The following DHX32 variants were observed in gnomAD, a reference collection of about 807,000 sequenced individuals.
The protein encoded by DHX32 is DEAH-box helicase 32 (putative).
Under a neutral mutation model 70.0 loss-of-function variants are expected in DHX32, and 51 were observed. The observed-to-expected ratio is 0.73, with a 90% confidence interval of 0.58 to 0.92. The LOEUF is 0.92. DHX32 is among the 40% of genes least tolerant of loss of function. DHX32 has a pLI of 0.00. For missense variants in DHX32, 762 were observed against 891.8 expected, an observed-to-expected ratio of 0.85 and a Z score of 1.85; for synonymous variants, 310 against 315.3, an observed-to-expected ratio of 0.98 and a Z score of 0.18.
At chr10:125,875,333 G>A (rs1944278113) in intron 1 of DHX32, among the ~76,000 whole-genome samples, 1 of 152,092 alleles carries the variant, frequency 6.6e-6, no homozygotes, top group Non-Finnish European at 1.5e-5. Flanking sequence ...AAAAAAAAAT[G>A]GTTTCTACAC....
chr10:125,870,843 A>G (rs1375799802), intron 1 of DHX32, among the ~76,000 whole-genome samples: 1 of 152,190 alleles, frequency 6.6e-6, no homozygotes, highest in Non-Finnish European at 1.5e-5. Flanking sequence ...TCTCAAAAAA[A>G]TAAAAAATAA....
chr10:125,852,389 C>T lies in DHX32; in HGVS notation c.1255G>A (p.Ala419Thr). The T allele has an allele frequency of 3.1e-6, 5 of 1,614,210 alleles. No homozygotes were observed. Among genetic ancestry groups the T allele is most frequent in the Non-Finnish European group, 3.4e-6 (4 of 1,180,034 alleles). ...ASKDMTPLKP[A>T]EMQEANLTSM... ...GTTAGGTTGGCTTCCTGCATTTCTGCTGGCTTCAGTGGCGTCATGTCTTTG... is the reference window on the plus strand; with the variant it reads ...GTTAGGTTGGCTTCCTGCATTTCTGTTGGCTTCAGTGGCGTCATGTCTTTG... Residue 419 changes from alanine (A) to threonine (T), a missense_variant, in exon 6 of 11, where the codon GCA (alanine) becomes ACA (threonine). This residue lies in a region of DHX32 where 366 missense variants were observed against 402.6 expected (regional missense o/e 0.91). Transcript: ENST00000284690.
rs1297758732 is a variant in DHX32, at chr10:125,838,297, T to C, written c.1972A>G (p.Thr658Ala). 5.0e-6 allele frequency: 8 copies of C among 1,614,026 alleles called. No homozygotes were observed. The highest frequency in any genetic ancestry group is 6.8e-6 in the Non-Finnish European group (8 of 1,180,008). The part of the protein sequence containing the change: ...QLHPLSGYSI[T>A]KKMPEWVLFH... ...AGGACCCACTCTGGCATCTTCTTGG[T>C]GATTGAGTAACCAGACAGGGGATGC... is the stretch of plus-strand genomic sequence containing the variant. The change falls in exon 10 of 11, where the codon ACC becomes GCC. Residue 658 changes from threonine (T) to alanine (A), a missense_variant. By Grantham distance (58) the Thr-to-Ala change is moderately conservative. Around this residue, in one of 3 missense-constraint regions of DHX32, gnomAD observed 366 missense variants for 402.6 expected, o/e 0.91. Transcript: ENST00000284690.
chr10:125,882,748 T>C (rs1301196898), upstream of DHX32, among the ~76,000 whole-genome samples: 1 of 152,208 alleles, frequency 6.6e-6, no homozygotes, highest in Non-Finnish European at 1.5e-5. Flanking sequence ...TCACTGCCTC[T>C]ATAAGGTGAG....
intron 6 of DHX32, 129 bp from the exon 7 acceptor site, chr10:125,842,063 GC>G: frequency 8.3e-7 from 1 of 1,198,394 alleles, no homozygotes; most frequent in Non-Finnish European, 1.1e-6. Flanking sequence ...CGGTTTGCAA[GC>G]CACCAAATAC....
chr10:125,853,033 G>C (rs1944111549), intron 4 of DHX32: 1 of 892,816 alleles, frequency 1.1e-6, no homozygotes, highest in African/African-American at 1.7e-5. Context: ...CAGGATCTTG[G>C]TGGTCTCACC....
chr10:125,886,242 T>TA (rs1378341910), upstream of DHX32, among the ~76,000 whole-genome samples: 3 of 152,370 alleles, frequency 2.0e-5, no homozygotes, highest in East Asian at 3.9e-4. Context: ...AAATGGCAGT[T>TA]CAGTAAATGC....
At chr10:125,864,592 T>A (rs997209581) in intron 2 of DHX32, among the ~76,000 whole-genome samples, 4 of 152,134 alleles carry the variant, frequency 2.6e-5, no homozygotes, top group African/African-American at 9.7e-5. Flanking sequence ...ACAGTATTAT[T>A]AGATTTCCCC....
At chr10:125,856,952 C>T (rs1214904062) in intron 3 of DHX32, among the ~76,000 whole-genome samples, 1 of 152,206 alleles carries the variant, frequency 6.6e-6, no homozygotes, top group Non-Finnish European at 1.5e-5. Flanking sequence ...GAGGTCCTGT[C>T]TCTAAGTAAA....
rs112150717 is a variant in DHX32, at chr10:125,839,967, C to G, written c.1694-779G>C. On this transcript the variant is annotated intron_variant, in intron 8 of 10. Coordinates refer to ENST00000284690, the MANE Select transcript of DHX32 (RefSeq NM_018180.3). ...GATTCCTGTGTACCTGCTGGCTCCACTGACAACTTTTTCTTCTCAGCTTTG... is the reference window on the plus strand; with the variant it reads ...GATTCCTGTGTACCTGCTGGCTCCAGTGACAACTTTTTCTTCTCAGCTTTG... Among the ~76,000 whole-genome samples, 1,188 of 152,340 alleles carry G rather than the reference C, an allele frequency of 7.8e-3. 22 individuals are homozygous for G. The highest frequency in any genetic ancestry group is 0.026 in the African/African-American group (1,098 of 41,588).
At chr10:125,880,004 C>A (rs1944307794) in intron 1 of DHX32, among the ~76,000 whole-genome samples, 2 of 152,188 alleles carry the variant, frequency 1.3e-5, no homozygotes, top group South Asian at 4.1e-4. Flanking sequence ...TTCTTTCCCC[C>A]ATCTTAGACC....
intron 7 of DHX32, 39 bp downstream of exon 7, chr10:125,841,704 G>C (rs372817769): frequency 6.3e-7 from 1 of 1,592,330 alleles, no homozygotes; most frequent in Non-Finnish European, 8.5e-7. Context: ...ACCTAGTGCA[G>C]ATTTGCAAAA....
intron 1 of DHX32, among the ~76,000 whole-genome samples, chr10:125,886,296 C>G (rs1293343029): frequency 1.3e-5 from 2 of 152,198 alleles, no homozygotes; most frequent in East Asian, 3.9e-4. Flanking sequence ...CTCCCACACT[C>G]CCAAAAACCA....
At position 125,855,609 on chromosome 10, in the gene DHX32, C is replaced by T. The variant is rs138404215; in HGVS notation, c.850-1406G>A. Among the ~76,000 whole-genome samples, 936 of 151,958 alleles carry T rather than the reference C, an allele frequency of 6.2e-3. 14 individuals carry two copies. Among genetic ancestry groups the T allele is most frequent in the African/African-American group, 0.021 (855 of 41,494 alleles). On this transcript the variant is annotated intron_variant, in intron 3 of 10. Coordinates refer to ENST00000284690, the MANE Select transcript of DHX32 (RefSeq NM_018180.3). ...GACTACAGGTGCCCACCACCATGGC[C>T]GGCTAATTTTTTTTGTATTTTTAGT...
chr10:125,867,298 C>T, intron 1 of DHX32, 115 bp from the exon 2 acceptor site: 1 of 836,024 alleles, frequency 1.2e-6, no homozygotes, highest in Admixed American at 2.8e-5. Context: ...AGTAAATCAG[C>T]AGTGGGCTGT....
intron 7 of DHX32, 100 bp from the exon 8 acceptor site, chr10:125,841,096 C>G (rs1308333968): frequency 2.0e-5 from 29 of 1,418,748 alleles, no homozygotes; most frequent in Non-Finnish European, 2.8e-5. Context: ...TGGCATGGCT[C>G]CTGTCTTGGT....
At chr10:125,888,361 CCT>C (rs1316386375) in intron 1 of DHX32, among the ~76,000 whole-genome samples, 68 of 110,932 alleles carry the variant, frequency 6.1e-4, no homozygotes, top group African/African-American at 2.3e-3. Context: ...CACCACCATG[CCT>C]GGCTAATTTT....
At chr10:125,863,671 G>A (rs903189936) in intron 2 of DHX32, among the ~76,000 whole-genome samples, 1 of 152,094 alleles carries the variant, frequency 6.6e-6, no homozygotes, top group South Asian at 2.1e-4. Context: ...GGATGGTCCC[G>A]ATCTCCTGAC....
chr10:125,879,304 G>T (rs958189124), intron 1 of DHX32, among the ~76,000 whole-genome samples: 3 of 151,968 alleles, frequency 2.0e-5, no homozygotes, highest in Non-Finnish European at 4.4e-5. Flanking sequence ...GATTATAGGT[G>T]TGAACCACTG....
Sources: gnomAD v4.1 joint callset for allele counts (sites outside exome capture counted in the v4.1 genomes callset) on GRCh38, gnomAD v4.1.1 for gene constraint, gnomAD v4.1.1 regional missense constraint, MANE v1.5 for transcripts, NCBI Gene and HGNC (gene_info 2026-07-23, HGNC 2026-07-21) for gene names.